OTOGL: variants seen among roughly 807,000 people sequenced by gnomAD.
The protein encoded by OTOGL is otogelin-like protein.
In OTOGL, 285 loss-of-function variants were observed where a neutral mutation model predicts 318.5. The observed-to-expected ratio is 0.89, with a 90% CI of 0.81 to 0.99. OTOGL has a LOEUF of 0.99. Among genes scored for constraint, OTOGL ranks in the 50% least tolerant of loss-of-function variants. The pLI is 0.00. For synonymous variants in OTOGL, 987 were observed against 936.5 expected (o/e 1.05, Z -0.99); for missense variants, 2,899 against 2,845.6 (o/e 1.02, Z -0.43).
At chr12:80,192,201 A>G (rs1875743974) in intron 1 of OTOGL, among the ~76,000 whole-genome samples, 1 of 152,200 alleles carries the variant, frequency 6.6e-6, no homozygotes, top group African/African-American at 2.4e-5. Flanking sequence ...GACAAGTCAG[A>G]CCTCAGAGCA....
intron 4 of OTOGL, among the ~76,000 whole-genome samples, chr12:80,212,906 A>AC (rs1347849006): frequency 1.7e-5 from 2 of 120,990 alleles, no homozygotes; most frequent in Non-Finnish European, 4.0e-5. Context: ...AAGAGTAGAG[A>AC]CCTTTTTTTT....
intron 26 of OTOGL, among the ~76,000 whole-genome samples, chr12:80,280,923 G>A (rs529535430): frequency 1.3e-5 from 2 of 151,580 alleles, no homozygotes; most frequent in Non-Finnish European, 3.0e-5. Flanking sequence ...CTGGTTAGCT[G>A]TATACCTAGG....
intron 37 of OTOGL, among the ~76,000 whole-genome samples, chr12:80,330,093 G>C (rs1369794449): frequency 6.6e-6 from 1 of 152,176 alleles, no homozygotes; most frequent in Non-Finnish European, 1.5e-5. Flanking sequence ...ATCTTAAGCA[G>C]GTCAGTGTAT....
chr12:80,157,398 T>A (rs913430702), intron 1 of OTOGL, among the ~76,000 whole-genome samples: 1 of 152,186 alleles, frequency 6.6e-6, no homozygotes. Context: ...GTGTTGTCTC[T>A]TCACTTTGCT....
intron 1 of OTOGL, 53 bp from the exon 2 acceptor site, chr12:80,209,360 C>A: frequency 1.0e-6 from 1 of 981,054 alleles, no homozygotes; most frequent in South Asian, 2.3e-5. Flanking sequence ...TACAAATATG[C>A]ATACTTCTAA....
chr12:80,299,271 A>G (rs1412619683), intron 27 of OTOGL, among the ~76,000 whole-genome samples: 2 of 152,230 alleles, frequency 1.3e-5, no homozygotes, highest in African/African-American at 2.4e-5. Context: ...GCAGTTTGTC[A>G]TAAGCACCAA....
At chr12:80,359,454 G>A (rs575286407) in intron 52 of OTOGL, among the ~76,000 whole-genome samples, 6 of 152,176 alleles carry the variant, frequency 3.9e-5, no homozygotes, top group South Asian at 2.1e-4. Flanking sequence ...ATGATATGCC[G>A]ATAAGGCTTG....
chr12:80,239,049 A>G, intron 10 of OTOGL, 71 bp downstream of exon 10: 2 of 1,424,710 alleles, frequency 1.4e-6, no homozygotes. Context: ...TAATTAACTA[A>G]GCATTTTTTA....
intron 30 of OTOGL, 123 bp from the exon 31 acceptor site, chr12:80,313,353 C>T: frequency 1.2e-6 from 1 of 856,410 alleles, no homozygotes. Flanking sequence ...AAAGAGAACT[C>T]TCTAGGTGGC....
At chr12:80,316,294 G>C (rs1886967559) in intron 32 of OTOGL, among the ~76,000 whole-genome samples, 1 of 152,142 alleles carries the variant, frequency 6.6e-6, no homozygotes, top group Non-Finnish European at 1.5e-5. Flanking sequence ...CTGAGAAAAT[G>C]CTCCAATAAC....
At chr12:80,170,217 GTA>G (rs376873893) in intron 1 of OTOGL, among the ~76,000 whole-genome samples, 163 of 115,100 alleles carry the variant, frequency 1.4e-3, no homozygotes, top group Middle Eastern at 7.9e-3. Flanking sequence ...GTGTGTGTAT[GTA>G]TGTGTGTGTG....
At chr12:80,286,832 C>T (rs1884666323) in intron 26 of OTOGL, among the ~76,000 whole-genome samples, 1 of 152,024 alleles carries the variant, frequency 6.6e-6, no homozygotes, top group African/African-American at 2.4e-5. Flanking sequence ...TTTCAAAAAA[C>T]CAGCTCCTGG....
chr12:80,217,643 T>C lies in OTOGL; in HGVS notation c.214T>C (p.Trp72Arg), dbSNP rs369473810. The change falls in exon 5 of 59, where the codon TGG (tryptophan) becomes CGG (arginine). Residue 72 changes from tryptophan to arginine, a missense_variant. Trp to Arg is a moderately radical substitution (Grantham distance 101, BLOSUM62 -3). Around this residue, in one of 3 missense-constraint regions of OTOGL, gnomAD observed 2,607 missense variants for 2,524.9 expected, o/e 1.03. Transcript: ENST00000547103. ...PRYFFHDAIN[W>R]GESKIKGSCP... Reference sequence around the variant, plus strand: ...ATACTTTTTCCATGATGCTATTAATTGGGGTGAGAGCAAAATAAAAGGTCA... The same window carrying C: ...ATACTTTTTCCATGATGCTATTAATCGGGGTGAGAGCAAAATAAAAGGTCA... 31 of 1,552,934 alleles carry C rather than the reference T, an allele frequency of 2.0e-5. No homozygotes were observed. In the African/African-American group the frequency reaches 3.1e-4, roughly 16 times the overall value.
intron 14 of OTOGL, among the ~76,000 whole-genome samples, 198 bp downstream of exon 14, chr12:80,253,772 G>A (rs1468665438): frequency 2.0e-5 from 3 of 152,008 alleles, no homozygotes; most frequent in African/African-American, 7.2e-5. Flanking sequence ...CACTTACCTT[G>A]GTAATTCTAT....
intron 52 of OTOGL, among the ~76,000 whole-genome samples, chr12:80,364,819 G>T (rs1163566885): frequency 6.6e-6 from 1 of 151,862 alleles, no homozygotes; most frequent in Non-Finnish European, 1.5e-5. Context: ...TCAACATTTG[G>T]ATATTTATCT....
At chr12:80,112,246 G>T (rs1869885486) in intron 1 of OTOGL, among the ~76,000 whole-genome samples, 1 of 151,928 alleles carries the variant, frequency 6.6e-6, no homozygotes, top group Admixed American at 6.6e-5. Context: ...ATTTTCTGTT[G>T]CCTGATTGCC....
chr12:80,249,334 T>A (rs1337777655), intron 11 of OTOGL, among the ~76,000 whole-genome samples: 1 of 151,626 alleles, frequency 6.6e-6, no homozygotes, highest in Non-Finnish European at 1.5e-5. Context: ...GATATACAGA[T>A]GGGTTTTCGG....
intron 1 of OTOGL, among the ~76,000 whole-genome samples, chr12:80,199,020 T>C (rs960049111): frequency 6.6e-6 from 1 of 152,246 alleles, no homozygotes; most frequent in African/African-American, 2.4e-5. Context: ...AATATATTTG[T>C]ATATGTGTAC....
At chr12:80,119,924 TTAA>T (rs1284237855) in intron 1 of OTOGL, among the ~76,000 whole-genome samples, 2 of 152,174 alleles carry the variant, frequency 1.3e-5, no homozygotes, top group African/African-American at 2.4e-5. Context: ...TTTTATGGAA[TTAA>T]TAATTTTTTC....
Sources: gnomAD v4.1 joint callset for allele counts (sites outside exome capture counted in the v4.1 genomes callset) on GRCh38, gnomAD v4.1.1 for gene constraint, gnomAD v4.1.1 regional missense constraint, MANE v1.5 for transcripts, NCBI Gene and HGNC (gene_info 2026-07-23, HGNC 2026-07-21) for gene names.